The following FAT3 variants were observed in gnomAD, a reference collection of about 807,000 sequenced individuals.
FAT3 encodes the protein protocadherin Fat 3.
In FAT3, 95 loss-of-function variants were observed where a neutral mutation model predicts 310.2. The observed-to-expected ratio is 0.31, with a 90% CI of 0.26 to 0.36. The LOEUF is 0.36. Ranked by LOEUF, FAT3 falls within the 10% of genes least tolerant of loss-of-function variation. The pLI is 1.00. For synonymous variants in FAT3, 2,314 were observed against 2,192.9 expected (o/e 1.06, Z -1.54); for missense variants, 5,408 against 5,715.6 (o/e 0.95, Z 1.74).
chr11:92,390,392 C>A (rs557284471), intron 2 of FAT3, among the ~76,000 whole-genome samples: 1 of 152,220 alleles, frequency 6.6e-6, no homozygotes, highest in South Asian at 2.1e-4. Flanking sequence ...CCAGCACTAG[C>A]CATGACCATC....
intron 3 of FAT3, among the ~76,000 whole-genome samples, chr11:92,549,878 C>T (rs890692365): frequency 6.6e-6 from 1 of 152,106 alleles, no homozygotes; most frequent in Non-Finnish European, 1.5e-5. Flanking sequence ...AATAGGAACG[C>T]TTTACATATA....
intron 3 of FAT3, among the ~76,000 whole-genome samples, chr11:92,549,982 GAA>G (rs1954749725): frequency 1.3e-5 from 2 of 152,060 alleles, no homozygotes; most frequent in Admixed American, 6.6e-5. Context: ...GAGAGTTTTA[GAA>G]ATGGGCCATA....
rs200873661 is a variant in FAT3, at chr11:92,267,745, A to G, written c.-18+42571A>G. Reference sequence around the variant, plus strand: ...AATCTTTAATTCTGTTCTCATCGGAAGTTATTGCTTATCATTATTTATTTG... The same window carrying G: ...AATCTTTAATTCTGTTCTCATCGGAGGTTATTGCTTATCATTATTTATTTG... On this transcript the variant is annotated intron_variant, in intron 1 of 27. Transcript: ENST00000525166. Among the ~76,000 whole-genome samples the G allele has an allele frequency of 2.0e-5, 3 of 152,262 alleles. No homozygotes were observed. In the East Asian group the frequency reaches 5.8e-4, roughly 29 times the overall value.
At chr11:92,882,385 T>G (rs1039225572) in intron 23 of FAT3, among the ~76,000 whole-genome samples, 1 of 152,168 alleles carries the variant, frequency 6.6e-6, no homozygotes, top group African/African-American at 2.4e-5. Context: ...TCCCGCGGAT[T>G]TGGAGTCCAG....
chr11:92,593,171 G>A (rs1939525047), intron 3 of FAT3, among the ~76,000 whole-genome samples: 2 of 143,124 alleles, frequency 1.4e-5, no homozygotes, highest in East Asian at 2.0e-4. Context: ...ATTCCATTGT[G>A]TGTGTGCATA....
intron 2 of FAT3, among the ~76,000 whole-genome samples, chr11:92,437,505 T>C (rs1013621047): frequency 9.2e-5 from 14 of 152,164 alleles, no homozygotes; most frequent in African/African-American, 3.4e-4. Flanking sequence ...CTATTTTAAG[T>C]AAACAAAATG....
chr11:92,291,075 T>C (rs932847649), intron 1 of FAT3, among the ~76,000 whole-genome samples: 9 of 92,584 alleles, frequency 9.7e-5, no homozygotes, highest in African/African-American at 3.3e-4. Flanking sequence ...AAATGCTTTT[T>C]ATTCTACACA....
rs1368643668 is a variant in FAT3 at position 92,857,032 on chromosome 11, C to A, written c.11366-182C>A. Among the ~76,000 whole-genome samples the A allele has an allele frequency of 2.0e-5, 3 of 152,202 alleles. No individual in the cohort carries two copies. The East Asian group carries it at 5.8e-4, about 29-fold the overall frequency. ...TGTAGGGAAATTGGATGGACACCCA[C>A]ACCAGGTGAAGCCCATTCAGGTGTG... On this transcript the variant is annotated intron_variant, in intron 19 of 27. Coordinates refer to ENST00000525166, the MANE Select transcript of FAT3 (RefSeq NM_001367949.2).
At chr11:92,299,487 T>C (rs535301594) in intron 1 of FAT3, among the ~76,000 whole-genome samples, 35 of 152,134 alleles carry the variant, frequency 2.3e-4, no homozygotes, top group Non-Finnish European at 4.7e-4. Context: ...GCTTCTAATG[T>C]GTGCAGTATG....
intron 3 of FAT3, among the ~76,000 whole-genome samples, chr11:92,625,759 G>A (rs1941305252): frequency 1.3e-5 from 2 of 151,012 alleles, no homozygotes; most frequent in African/African-American, 2.4e-5. Flanking sequence ...TTTTTGAACA[G>A]GATAGTCAAT....
rs969626574 is a variant in FAT3, at chr11:92,636,274, T to C, written c.3608-61110T>C. 3.3e-5 allele frequency among the ~76,000 whole-genome samples: 5 copies of C among 152,200 alleles called. No homozygotes were observed. The South Asian group carries it at 8.3e-4, about 25-fold the overall frequency. On this transcript the variant is annotated intron_variant, in intron 3 of 27. Transcript: ENST00000525166. ...ACTGCACCCTGCAGGTCTTCTATTCTTAAAAGATTCAGAGATTTCCTTTGA... is the reference window on the plus strand; with the variant it reads ...ACTGCACCCTGCAGGTCTTCTATTCCTAAAAGATTCAGAGATTTCCTTTGA...
intron 14 of FAT3, among the ~76,000 whole-genome samples, chr11:92,833,857 G>T (rs746859706): frequency 6.6e-6 from 1 of 152,188 alleles, no homozygotes; most frequent in Non-Finnish European, 1.5e-5. Context: ...TAGCAAGACT[G>T]GGATGCAAAA....
At chr11:92,683,651 A>G (rs1565510720) in intron 3 of FAT3, among the ~76,000 whole-genome samples, 1 of 152,180 alleles carries the variant, frequency 6.6e-6, no homozygotes, top group Non-Finnish European at 1.5e-5. Context: ...GCATCCGTTG[A>G]AAGCCAACCA....
chr11:92,293,328 G>A (rs1261314629), intron 1 of FAT3, among the ~76,000 whole-genome samples: 1 of 151,254 alleles, frequency 6.6e-6, no homozygotes, highest in East Asian at 2.0e-4. Context: ...AGATTACCAG[G>A]CAGATCATCA....
chr11:92,244,995 A>G (rs1300223923), intron 1 of FAT3, among the ~76,000 whole-genome samples: 1 of 152,152 alleles, frequency 6.6e-6, no homozygotes, highest in Non-Finnish European at 1.5e-5. Context: ...TACTGGGTAT[A>G]TACCCAAAGG....
In FAT3 at chr11:92,840,700, T is replaced by C. The variant is rs1591801770; in HGVS notation, c.10507T>C (p.Leu3503=). 3.7e-6 allele frequency: 6 copies of C among 1,609,958 alleles called. No homozygotes were observed. Among genetic ancestry groups the C allele is most frequent in the Non-Finnish European group, 5.1e-6 (6 of 1,176,534 alleles). ...GTTTGTGTTGGACCCTCATGGGATCTTGCGGTCGGCTGTGGTCTTCCAGCA... is the reference window on the plus strand; with the variant it reads ...GTTTGTGTTGGACCCTCATGGGATCCTGCGGTCGGCTGTGGTCTTCCAGCA... ...EEFVLDPHGI[L]RSAVVFQHTE... The change falls in exon 18 of 28, where the codon TTG becomes CTG. Residue 3503 remains leucine (L), a synonymous_variant. Coordinates refer to ENST00000525166, the MANE Select transcript of FAT3 (RefSeq NM_001367949.2).
At chr11:92,378,877 A>G (rs934865197) in intron 2 of FAT3, among the ~76,000 whole-genome samples, 1 of 152,030 alleles carries the variant, frequency 6.6e-6, no homozygotes, top group African/African-American at 2.4e-5. Flanking sequence ...GGGATGAAGC[A>G]TTTTTCTCAG....
intron 2 of FAT3, among the ~76,000 whole-genome samples, chr11:92,480,388 A>G (rs1789821631): frequency 6.6e-6 from 1 of 152,198 alleles, no homozygotes; most frequent in African/African-American, 2.4e-5. Flanking sequence ...GTGTACCTCA[A>G]ATTATGGAAG....
intron 2 of FAT3, among the ~76,000 whole-genome samples, chr11:92,406,196 A>G (rs567102197): frequency 6.6e-6 from 1 of 152,052 alleles, no homozygotes; most frequent in African/African-American, 2.4e-5. Flanking sequence ...AGTTTCCACT[A>G]TGAGTTCAGT....
Sources: gnomAD v4.1 joint callset for allele counts (sites outside exome capture counted in the v4.1 genomes callset) on GRCh38, gnomAD v4.1.1 for gene constraint, MANE v1.5 for transcripts, NCBI Gene and HGNC (gene_info 2026-07-23, HGNC 2026-07-21) for gene names.